The following ANK2 variants were observed in gnomAD, a reference collection of about 807,000 sequenced individuals.
ANK2 encodes the protein ankyrin-2.
In ANK2, 83 loss-of-function variants were observed where a neutral mutation model predicts 360.5. That is an observed-to-expected ratio of 0.23 (90% CI 0.19 to 0.28). The LOEUF (loss-of-function observed/expected upper bound fraction) is 0.28, where lower values mean the gene tolerates loss of function less well. Ranked by LOEUF, ANK2 falls within the 10% of genes least tolerant of loss-of-function variation. ANK2 has a pLI of 1.00. For missense variants in ANK2, 4,201 were observed against 4,795.7 expected (o/e 0.88, Z 3.66); for synonymous variants, 1,740 against 1,759.5 (o/e 0.99, Z 0.28).
chr4:112,912,103 G>A (rs753830827), intron 2 of ANK2, among the ~76,000 whole-genome samples: 17 of 152,030 alleles, frequency 1.1e-4, no homozygotes, highest in Admixed American at 2.6e-4. Flanking sequence ...TGTGGACCCC[G>A]GAGGTGGAGT....
At chr4:113,190,615 G>A (rs552059390) in intron 2 of ANK2, among the ~76,000 whole-genome samples, 171 of 152,136 alleles carry the variant, frequency 1.1e-3, no homozygotes, top group African/African-American at 4.0e-3. Flanking sequence ...AATAAAATAG[G>A]ATTATGATGC....
intron 2 of ANK2, among the ~76,000 whole-genome samples, chr4:113,187,934 C>T (rs1194081834): frequency 2.6e-5 from 4 of 152,056 alleles, no homozygotes; most frequent in Non-Finnish European, 5.9e-5. Flanking sequence ...TTATTGCATG[C>T]CTATTACATC....
In ANK2 at chr4:113,108,002, GTAGTT is replaced by G. The variant is rs541586208; in HGVS notation, c.84+58193_84+58197del. 3.0e-4 allele frequency among the ~76,000 whole-genome samples: 45 copies of G among 152,270 alleles called. 1 individual carries two copies. In the South Asian group the frequency reaches 9.1e-3, roughly 31 times the overall value. On this transcript the variant is annotated intron_variant, in intron 1 of 45. Transcript: ENST00000357077. ...AAGTGGAGAAAAAACTGATATATGC[GTAGTT>G]TAAACATTTTATTTCAACTTGAAAC...
intron 2 of ANK2, among the ~76,000 whole-genome samples, chr4:113,008,527 T>C (rs944368261): frequency 6.6e-6 from 1 of 152,230 alleles, no homozygotes; most frequent in African/African-American, 2.4e-5. Context: ...TGATAAATGA[T>C]ATAAGAATTT....
At chr4:112,721,541 C>CAAAAAAAAA in the ANK2 span, among the ~76,000 whole-genome samples, 1 of 46,876 alleles carries the variant, frequency 2.1e-5, no homozygotes, top group Non-Finnish European at 3.5e-5. Flanking sequence ...GACCCCATCT[C>CAAAAAAAAA]AAAAAAAAAA....
chr4:113,347,887 C>A, intron 35 of ANK2: 1 of 187,866 alleles, frequency 5.3e-6, no homozygotes, highest in Non-Finnish European at 1.1e-5. Context: ...TGAAAATTTT[C>A]CACCATATGC....
At chr4:113,334,544 T>C (rs2093159860) in intron 29 of ANK2, among the ~76,000 whole-genome samples, 1 of 150,822 alleles carries the variant, frequency 6.6e-6, no homozygotes, top group South Asian at 2.1e-4. Context: ...AATTAATCTA[T>C]TACTAGAAAG....
At chr4:113,008,858 C>G (rs1032318766) in intron 2 of ANK2, among the ~76,000 whole-genome samples, 1 of 152,220 alleles carries the variant, frequency 6.6e-6, no homozygotes, top group South Asian at 2.1e-4. Context: ...AGCTGTCCCA[C>G]AGACTCAGCC....
At chr4:112,894,022 A>T (rs2080990134) in intron 1 of ANK2, among the ~76,000 whole-genome samples, 1 of 152,198 alleles carries the variant, frequency 6.6e-6, no homozygotes, top group Non-Finnish European at 1.5e-5. Flanking sequence ...ACAAAAGGTC[A>T]TACAGACAGG....
intron 1 of ANK2, among the ~76,000 whole-genome samples, chr4:113,124,896 G>T (rs934611382): frequency 6.6e-6 from 1 of 152,106 alleles, no homozygotes; most frequent in East Asian, 1.9e-4. Context: ...TTGGGAGGCT[G>T]AGACGTGAGG....
the ANK2 span, among the ~76,000 whole-genome samples, chr4:112,716,315 C>G: frequency 6.6e-6 from 1 of 151,872 alleles, no homozygotes; most frequent in Admixed American, 6.6e-5. Context: ...AGGCTGGTCT[C>G]GAACTTCTAT....
At chr4:113,360,747 C>T (rs2154036208) in intron 38 of ANK2, 76 bp from the exon 39 acceptor site, 2 of 1,300,774 alleles carry the variant, frequency 1.5e-6, no homozygotes, top group South Asian at 1.3e-5. Flanking sequence ...GACTTCCTTT[C>T]TTTGAATGAA....
At chr4:113,247,473 G>A (rs1329294750) in intron 9 of ANK2, among the ~76,000 whole-genome samples, 1 of 152,084 alleles carries the variant, frequency 6.6e-6, no homozygotes, top group African/African-American at 2.4e-5. Context: ...ATGTTCTTGT[G>A]GGTATATTAA....
At chr4:113,055,743 A>G (rs987859495) in intron 1 of ANK2, among the ~76,000 whole-genome samples, 2 of 152,210 alleles carry the variant, frequency 1.3e-5, no homozygotes, top group African/African-American at 4.8e-5. Context: ...GACTACATAC[A>G]GATGGTGCTG....
intron 2 of ANK2, among the ~76,000 whole-genome samples, chr4:112,974,523 G>A (rs2040679401): frequency 6.6e-6 from 1 of 152,188 alleles, no homozygotes; most frequent in Admixed American, 6.5e-5. Flanking sequence ...GGAAGGAAGA[G>A]ATAATATAGT....
At chr4:112,732,486 G>C in the ANK2 span, among the ~76,000 whole-genome samples, 17 of 152,062 alleles carry the variant, frequency 1.1e-4, no homozygotes, top group African/African-American at 4.1e-4. Context: ...GCCTCAAGCA[G>C]TCCTTCCACC....
chr4:113,365,608 C>T (rs2154055371), intron 41 of ANK2, among the ~76,000 whole-genome samples: 1 of 152,090 alleles, frequency 6.6e-6, no homozygotes, highest in Middle Eastern at 3.4e-3. Flanking sequence ...TTGGCCTTAC[C>T]ACCTTTTCAG....
intron 1 of ANK2, among the ~76,000 whole-genome samples, chr4:112,893,854 C>T (rs1352001152): frequency 6.6e-6 from 1 of 152,086 alleles, no homozygotes; most frequent in African/African-American, 2.4e-5. Context: ...AAAGTTTGCC[C>T]AGCATGGCGG....
At chr4:112,837,021 A>T (rs1215713167) in intron 1 of ANK2, among the ~76,000 whole-genome samples, 2 of 152,214 alleles carry the variant, frequency 1.3e-5, no homozygotes, top group African/African-American at 4.8e-5. Flanking sequence ...AAATAGGGAA[A>T]ATGTCTCCAA....
Sources: allele counts gnomAD v4.1 joint callset (sites outside exome capture counted in the v4.1 genomes callset), GRCh38; gene constraint gnomAD v4.1.1; transcripts MANE v1.5; gene names NCBI Gene and HGNC (gene_info 2026-07-23, HGNC 2026-07-21).